HS6ST3: variants seen among roughly 807,000 people sequenced by gnomAD.
The protein encoded by HS6ST3 is heparan sulfate 6-O-sulfotransferase 3, also known as heparan-sulfate 6-O-sulfotransferase 3.
Under a neutral mutation model 36.7 loss-of-function variants are expected in HS6ST3, and 12 were observed. The ratio of observed to expected loss-of-function variants is 0.33; its 90% CI spans 0.21 to 0.53. The LOEUF (loss-of-function observed/expected upper bound fraction) is 0.53. Ranked by LOEUF, HS6ST3 falls within the 20% of genes least tolerant of loss-of-function variation. HS6ST3 has a pLI of 0.95. For missense variants in HS6ST3, 584 were observed against 640.9 expected (o/e 0.91, Z 0.96); for synonymous variants, 240 against 257.5 (o/e 0.93, Z 0.65).
chr13:96,579,562 T>TAAA (rs376837085), intron 1 of HS6ST3, among the ~76,000 whole-genome samples: 8 of 145,190 alleles, frequency 5.5e-5, no homozygotes, highest in African/African-American at 2.0e-4. Context: ...TCTGTTGTGT[T>TAAA]AAAAAAAAAA....
At chr13:96,804,826 A>G (rs944960482) in intron 1 of HS6ST3, among the ~76,000 whole-genome samples, 1 of 152,214 alleles carries the variant, frequency 6.6e-6, no homozygotes, top group Non-Finnish European at 1.5e-5. Context: ...GCTGAGAGCT[A>G]CAATTTAGAA....
intron 1 of HS6ST3, among the ~76,000 whole-genome samples, chr13:96,156,557 T>G (rs1249514379): frequency 6.6e-6 from 1 of 152,326 alleles, no homozygotes; most frequent in South Asian, 2.1e-4. Flanking sequence ...TTAGGCAAGA[T>G]TCCTGCTGAC....
intron 1 of HS6ST3, among the ~76,000 whole-genome samples, chr13:96,605,225 A>G (rs2056434613): frequency 6.6e-6 from 1 of 152,114 alleles, no homozygotes; most frequent in Non-Finnish European, 1.5e-5. Flanking sequence ...GATAAGGGAT[A>G]TGTTGTGCAG....
intron 1 of HS6ST3, among the ~76,000 whole-genome samples, chr13:96,453,943 C>T (rs1019102841): frequency 6.6e-6 from 1 of 152,068 alleles, no homozygotes; most frequent in Non-Finnish European, 1.5e-5. Context: ...GGGTCTTCTC[C>T]CCTTTATCTT....
intron 1 of HS6ST3, among the ~76,000 whole-genome samples, chr13:96,488,485 T>C (rs2055927417): frequency 6.6e-6 from 1 of 152,138 alleles, no homozygotes; most frequent in African/African-American, 2.4e-5. Flanking sequence ...AAAGTTAGAC[T>C]GTAAATTGGT....
intron 1 of HS6ST3, among the ~76,000 whole-genome samples, chr13:96,483,333 T>C (rs1486227348): frequency 6.6e-6 from 1 of 152,076 alleles, no homozygotes; most frequent in African/African-American, 2.4e-5. Flanking sequence ...CAAAGGCCCA[T>C]TGGTGGGAAG....
chr13:96,373,903 T>C (rs1352972608), intron 1 of HS6ST3, among the ~76,000 whole-genome samples: 1 of 152,212 alleles, frequency 6.6e-6, no homozygotes, highest in Non-Finnish European at 1.5e-5. Context: ...TATTTTGTTG[T>C]GATGTTAGTT....
At chr13:96,821,589 CTAT>C (rs1878536073) in intron 1 of HS6ST3, among the ~76,000 whole-genome samples, 1 of 152,172 alleles carries the variant, frequency 6.6e-6, no homozygotes, top group Non-Finnish European at 1.5e-5. Flanking sequence ...ATGTTGGCCA[CTAT>C]TATTGTTATT....
intron 1 of HS6ST3, among the ~76,000 whole-genome samples, chr13:96,761,492 A>T (rs1876969857): frequency 6.6e-6 from 1 of 151,928 alleles, no homozygotes; most frequent in Non-Finnish European, 1.5e-5. Flanking sequence ...ACATCTAGGC[A>T]TCTACCACCC....
At chr13:96,104,225 T>G (rs1170657553) in intron 1 of HS6ST3, among the ~76,000 whole-genome samples, 1 of 152,170 alleles carries the variant, frequency 6.6e-6, no homozygotes, top group African/African-American at 2.4e-5. Context: ...GAATAGAAAA[T>G]AAAATCTTCC....
intron 1 of HS6ST3, among the ~76,000 whole-genome samples, chr13:96,473,886 C>G (rs889181741): frequency 1.3e-5 from 2 of 152,140 alleles, no homozygotes; most frequent in Non-Finnish European, 2.9e-5. Context: ...ACCGTGTACT[C>G]CTAAGTGGGA....
intron 1 of HS6ST3, among the ~76,000 whole-genome samples, chr13:96,825,459 G>A (rs1878628880): frequency 6.6e-6 from 1 of 152,174 alleles, no homozygotes. Flanking sequence ...GAAAGCCGGG[G>A]AGAGCAGTGG....
At chr13:96,649,060 C>T (rs2056598801) in intron 1 of HS6ST3, among the ~76,000 whole-genome samples, 2 of 152,008 alleles carry the variant, frequency 1.3e-5, no homozygotes, top group South Asian at 4.1e-4. Context: ...ATGATCTGGA[C>T]TCCTGATTTT....
intron 1 of HS6ST3, among the ~76,000 whole-genome samples, chr13:96,745,936 C>T (rs978737647): frequency 6.6e-6 from 1 of 151,946 alleles, no homozygotes; most frequent in African/African-American, 2.4e-5. Flanking sequence ...AAAGCCCAGG[C>T]AGTGTGTTGT....
At chr13:96,463,510 G>C (rs2055795628) in intron 1 of HS6ST3, among the ~76,000 whole-genome samples, 1 of 152,036 alleles carries the variant, frequency 6.6e-6, no homozygotes, top group African/African-American at 2.4e-5. Context: ...GAAAATATAG[G>C]ATTATGTTTT....
intron 1 of HS6ST3, among the ~76,000 whole-genome samples, chr13:96,720,009 T>C (rs1302383973): frequency 6.6e-6 from 1 of 152,110 alleles, no homozygotes; most frequent in African/African-American, 2.4e-5. Flanking sequence ...AATTGCAGGG[T>C]GCATATATCA....
intron 1 of HS6ST3, among the ~76,000 whole-genome samples, chr13:96,577,093 TG>T (rs2056324920): frequency 6.6e-6 from 1 of 152,070 alleles, no homozygotes. Context: ...GGTATACACA[TG>T]CCATGGTGGT....
intron 1 of HS6ST3, among the ~76,000 whole-genome samples, chr13:96,216,210 G>T (rs1217665905): frequency 6.6e-6 from 1 of 152,110 alleles, no homozygotes; most frequent in Non-Finnish European, 1.5e-5. Flanking sequence ...CACAATTTCT[G>T]GTCAATCAAT....
intron 1 of HS6ST3, among the ~76,000 whole-genome samples, chr13:96,292,645 A>G (rs1406482286): frequency 6.6e-6 from 1 of 152,070 alleles, no homozygotes; most frequent in Non-Finnish European, 1.5e-5. Context: ...TGAGCTTGCT[A>G]CTGTGCCAGG....
Sources: gnomAD v4.1 joint callset for allele counts (sites outside exome capture counted in the v4.1 genomes callset) on GRCh38, gnomAD v4.1.1 for gene constraint, MANE v1.5 for transcripts, NCBI Gene and HGNC (gene_info 2026-07-23, HGNC 2026-07-21) for gene names.